TPM4: variants seen among roughly 807,000 people sequenced by gnomAD.
The protein encoded by TPM4 is tropomyosin 4, also known as tropomyosin alpha-4 chain.
In TPM4, 17 loss-of-function variants were observed where a neutral mutation model predicts 35.8. The observed-to-expected ratio is 0.47, with a 90% CI of 0.32 to 0.71. TPM4 has a LOEUF of 0.71. TPM4 is among the 30% of genes least tolerant of loss of function. TPM4 has a pLI of 0.03. For missense variants in TPM4, 240 were observed against 320.9 expected, an observed-to-expected ratio of 0.75 and a Z score of 1.93; for synonymous variants, 120 against 122.9, an observed-to-expected ratio of 0.98 and a Z score of 0.15.
chr19:16,081,288 T>C, intron 1 of TPM4: 1 of 387,316 alleles, frequency 2.6e-6, no homozygotes, highest in Non-Finnish European at 4.6e-6. Context: ...TAGCCTAACG[T>C]TGGGTCTATT....
chr19:16,078,494 A>T (rs1404531362), intron 1 of TPM4, among the ~76,000 whole-genome samples: 1 of 152,176 alleles, frequency 6.6e-6, no homozygotes, highest in Non-Finnish European at 1.5e-5. Flanking sequence ...TAATCCTGTA[A>T]GGGCTGCTTT....
At chr19:16,068,372 C>T (rs747496941) in intron 2 of TPM4, among the ~76,000 whole-genome samples, 1 of 152,176 alleles carries the variant, frequency 6.6e-6, no homozygotes, top group African/African-American at 2.4e-5. Flanking sequence ...GACCGGATTT[C>T]GCCATGTTGG....
chr19:16,076,678 A>G lies in TPM4; in HGVS notation c.113A>G (p.Glu38Gly). The G allele has an allele frequency of 7.3e-7, 1 of 1,375,950 alleles. No homozygotes were observed. The allele number at this position is 1,375,950 out of a possible 1,614,324, so 85.2% of individuals were successfully genotyped here. ...AQGLQRELDG[E>G]RERREKAEGD... is the part of the protein sequence containing the mutation. ...GGCCTGCAGCGGGAGCTGGACGGCG[A>G]GCGCGAGCGGCGCGAGAAAGTGAGC... Residue 38 changes from glutamate to glycine, a missense_variant, in exon 1 of 8, where the codon GAG becomes GGG. Glu to Gly is a moderately conservative substitution (Grantham distance 98). Transcript: ENST00000643579.
At chr19:16,097,423 C>A (rs1040978809) in intron 7 of TPM4, among the ~76,000 whole-genome samples, 1 of 151,924 alleles carries the variant, frequency 6.6e-6, no homozygotes, top group African/African-American at 2.4e-5. Flanking sequence ...TACAGGCATG[C>A]GCCACCATGC....
At chr19:16,087,159 G>A (rs1388039741) in intron 3 of TPM4, among the ~76,000 whole-genome samples, 1 of 152,126 alleles carries the variant, frequency 6.6e-6, no homozygotes, top group African/African-American at 2.4e-5. Context: ...GCATGCACCT[G>A]TAGTCCCAGC....
intron 2 of TPM4, among the ~76,000 whole-genome samples, chr19:16,083,658 G>A (rs11668485): frequency 1.5e-3 from 215 of 144,048 alleles, no homozygotes; most frequent in African/African-American, 5.5e-3. Context: ...GTGTGGGCCC[G>A]ACCAGTGATC....
chr19:16,088,450 C>G, intron 4 of TPM4: 1 of 1,104,438 alleles, frequency 9.1e-7, no homozygotes, highest in Non-Finnish European at 1.1e-6. Flanking sequence ...CAGGCTCCCC[C>G]GGTCAGTATG....
At chr19:16,101,172 A>G in intron 7 of TPM4, 92 bp from the exon 8 acceptor site, 2 of 1,135,826 alleles carry the variant, frequency 1.8e-6, no homozygotes, top group Non-Finnish European at 2.4e-6. Flanking sequence ...CCCTGTCTCA[A>G]GAAGAAGAAA....
At position 16,101,435 on chromosome 19, in the gene TPM4, A is replaced by G. The variant is rs1055790584; in HGVS notation, c.*89A>G. 1.1e-5 allele frequency: 11 copies of G among 966,560 alleles called. No individual in the cohort carries two copies. Among genetic ancestry groups the G allele is most frequent in the South Asian group, 3.8e-5 (2 of 52,396 alleles). 59.9% of individuals were successfully genotyped at this position (966,560 alleles called of 1,614,324 possible). ...GTAAGAAGTTCCTTTTGTTATTGCC[A>G]TCTTCGCTTTGCTGGAAATGTCAAG... On this transcript the variant is annotated 3_prime_UTR_variant, in exon 8 of 8. Transcript: ENST00000643579.
chr19:16,075,843 G>A (rs2090397782), upstream of TPM4: 2 of 755,160 alleles, frequency 2.6e-6, no homozygotes, highest in African/African-American at 1.8e-5. Context: ...TGGTCCTCAG[G>A]ACGAGGGAAA....
chr19:16,075,842 G>A (rs545790459), upstream of TPM4: 30 of 752,468 alleles, frequency 4.0e-5, 1 homozygote, highest in East Asian at 8.9e-4. Context: ...CTGGTCCTCA[G>A]GACGAGGGAA....
intron 7 of TPM4, chr19:16,095,144 C>A: frequency 3.9e-6 from 2 of 506,482 alleles, no homozygotes; most frequent in Non-Finnish European, 5.2e-6. Context: ...CTAGTCTGTG[C>A]TTTGTTTGCT....
intron 5 of TPM4, among the ~76,000 whole-genome samples, chr19:16,089,700 G>A (rs1160171012): frequency 5.9e-5 from 8 of 135,214 alleles, no homozygotes; most frequent in East Asian, 2.1e-4. Context: ...ACAGAGCTTC[G>A]CTCTGTTGCC....
At chr19:16,096,645 G>A (rs2090701066) in intron 7 of TPM4, among the ~76,000 whole-genome samples, 1 of 152,108 alleles carries the variant, frequency 6.6e-6, no homozygotes, top group South Asian at 2.1e-4. Context: ...CCAGCTCCCA[G>A]TCCTGGGAGG....
chr19:16,079,349 G>T (rs1363280258), intron 1 of TPM4, among the ~76,000 whole-genome samples: 2 of 152,198 alleles, frequency 1.3e-5, no homozygotes, highest in Non-Finnish European at 2.9e-5. Flanking sequence ...TTCGATAATG[G>T]TGTTGGTTGC....
chr19:16,077,015 C>A, intron 1 of TPM4: 1 of 304,556 alleles, frequency 3.3e-6, no homozygotes, highest in Non-Finnish European at 5.4e-6. Flanking sequence ...CGGGAGGGGG[C>A]GTATCGTGCA....
chr19:16,088,900 T>G (rs2090591453), intron 4 of TPM4, 145 bp from the exon 5 acceptor site: 2 of 1,465,944 alleles, frequency 1.4e-6, no homozygotes, highest in Admixed American at 4.9e-5. Flanking sequence ...GAAAAATCCA[T>G]TAACATTTTC....
intron 1 of TPM4, 169 bp from the exon 2 acceptor site, chr19:16,081,744 G>A (rs924855793): frequency 1.8e-5 from 15 of 845,914 alleles, no homozygotes; most frequent in Middle Eastern, 4.2e-4. Flanking sequence ...GACATTTTCC[G>A]GGAAGATCAT....
At chr19:16,079,341 C>A (rs896795191) in intron 1 of TPM4, among the ~76,000 whole-genome samples, 13 of 152,088 alleles carry the variant, frequency 8.5e-5, no homozygotes, top group African/African-American at 3.1e-4. Flanking sequence ...TCCTGGAATT[C>A]GATAATGGTG....
Sources: gnomAD v4.1 joint callset for allele counts (sites outside exome capture counted in the v4.1 genomes callset) on GRCh38, gnomAD v4.1.1 for gene constraint, MANE v1.5 for transcripts, NCBI Gene and HGNC (gene_info 2026-07-23, HGNC 2026-07-21) for gene names.